The following USH2A variants were observed in gnomAD, a reference collection of about 807,000 sequenced individuals.
USH2A encodes usherin.
A neutral mutation model predicts 538.9 loss-of-function variants in USH2A; 443 were observed. The observed-to-expected ratio is 0.82, with a 90% CI of 0.76 to 0.89. The LOEUF is 0.89. Among genes scored for constraint, USH2A ranks in the 40% least tolerant of loss-of-function variants. The probability of loss-of-function intolerance (pLI) is 0.00; values close to 1 mark genes in which losing one functional copy is unlikely to be tolerated. For missense variants in USH2A, 6,633 were observed against 6,324.8 expected, an observed-to-expected ratio of 1.05 and a Z score of -1.65; for synonymous variants, 2,413 against 2,273.5, an observed-to-expected ratio of 1.06 and a Z score of -1.75.
intron 11 of USH2A, among the ~76,000 whole-genome samples, chr1:216,251,442 CTTTTTTTTTTTT>C (rs779947689): frequency 2.6e-4 from 21 of 80,386 alleles, no homozygotes; most frequent in African/African-American, 8.4e-4. Context: ...ACCACTTCCC[CTTTTTTTTTTTT>C]TTTTTTTTTT....
At chr1:215,767,089 C>T (rs1053757106) in intron 55 of USH2A, among the ~76,000 whole-genome samples, 8 of 152,174 alleles carry the variant, frequency 5.3e-5, no homozygotes, top group Non-Finnish European at 8.8e-5. Context: ...TCCTGCCTAT[C>T]GGATCAGAGC....
intron 44 of USH2A, among the ~76,000 whole-genome samples, chr1:215,850,526 T>A (rs1189448789): frequency 6.6e-6 from 1 of 152,082 alleles, no homozygotes; most frequent in African/African-American, 2.4e-5. Flanking sequence ...GAATGGTGGA[T>A]TCACTAGATG....
intron 11 of USH2A, among the ~76,000 whole-genome samples, chr1:216,286,214 A>C (rs1482556482): frequency 6.6e-6 from 1 of 152,144 alleles, no homozygotes; most frequent in Non-Finnish European, 1.5e-5. Flanking sequence ...GGGAGGAACC[A>C]GGTGGAGATA....
chr1:216,014,930 G>A (rs1258718871), intron 32 of USH2A, among the ~76,000 whole-genome samples: 2 of 152,126 alleles, frequency 1.3e-5, no homozygotes, highest in African/African-American at 4.8e-5. Flanking sequence ...TAAACTCATG[G>A]TGTAAACTGA....
At chr1:216,175,025 T>G in intron 21 of USH2A, 1 of 1,373,376 alleles carries the variant, frequency 7.3e-7, no homozygotes, top group Non-Finnish European at 9.4e-7. Context: ...TAAGGCTGCT[T>G]CTTCATCTTC....
chr1:216,062,015 T>C (rs2031204181), intron 30 of USH2A, among the ~76,000 whole-genome samples: 1 of 152,030 alleles, frequency 6.6e-6, no homozygotes, highest in Non-Finnish European at 1.5e-5. Flanking sequence ...AATTTTCCCA[T>C]GCAAACACCC....
intron 13 of USH2A, among the ~76,000 whole-genome samples, chr1:216,237,516 A>T (rs2035851502): frequency 6.7e-6 from 1 of 148,516 alleles, no homozygotes; most frequent in Non-Finnish European, 1.5e-5. Context: ...AAAAAAAAAG[A>T]AAGAAAAAGA....
At chr1:216,401,807 C>A (rs2039310758) in intron 3 of USH2A, among the ~76,000 whole-genome samples, 1 of 151,992 alleles carries the variant, frequency 6.6e-6, no homozygotes, top group African/African-American at 2.4e-5. Context: ...TGAAGCAAGA[C>A]TGATACAGCT....
chr1:216,134,407 A>G (rs923486638), intron 21 of USH2A, among the ~76,000 whole-genome samples: 2 of 152,114 alleles, frequency 1.3e-5, no homozygotes, highest in African/African-American at 4.8e-5. Context: ...ATTAATATGG[A>G]GAGAAGAGCA....
chr1:216,294,770 A>G (rs2102614496), intron 9 of USH2A, among the ~76,000 whole-genome samples: 1 of 152,054 alleles, frequency 6.6e-6, no homozygotes, highest in Middle Eastern at 3.4e-3. Context: ...ATTTTAGATA[A>G]TATGTCAATT....
intron 55 of USH2A, among the ~76,000 whole-genome samples, chr1:215,777,011 A>G (rs1661485792): frequency 6.6e-6 from 1 of 152,310 alleles, no homozygotes; most frequent in Middle Eastern, 3.4e-3. Context: ...TGGGCAAGTG[A>G]AATACTCTCT....
At position 215,680,488 on chromosome 1, in the gene USH2A, C is replaced by A; in HGVS notation, c.12067-112G>T. 4.1e-6 allele frequency: 4 copies of A among 985,412 alleles called. No homozygotes were observed. The South Asian group carries it at 4.1e-5, about 10-fold the overall frequency. The allele number at this position is 985,412 out of a possible 1,614,324, so 61.0% of individuals were successfully genotyped here. A position where few individuals can be genotyped will look rare whatever the true frequency, so the allele number is the denominator to read the frequency against. On this transcript the variant is annotated intron_variant, in intron 61 of 71. Transcript: ENST00000307340. ...CCAAAGCTTGTAGGCAACAGCAGCG[C>A]AAACACTACAGCAGAGTTTTGAATT...
chr1:216,076,472 G>T (rs1361714312), intron 27 of USH2A, among the ~76,000 whole-genome samples: 1 of 151,860 alleles, frequency 6.6e-6, no homozygotes, highest in Non-Finnish European at 1.5e-5. Flanking sequence ...GGGTTTAGGG[G>T]TAATTCAAAG....
rs80026994 is a variant in USH2A at position 216,169,356 on chromosome 1, C to G, written c.4627+5896G>C. On this transcript the variant is annotated intron_variant, in intron 21 of 71. Coordinates refer to ENST00000307340, the MANE Select transcript of USH2A (RefSeq NM_206933.4). ...ATATTTCAAAAAAAAGGGAGACTTA[C>G]AGGAATGTACTTCAAAATAAGTCAC... Among the ~76,000 whole-genome samples, 1,224 of 152,132 alleles carry G rather than the reference C, an allele frequency of 8.0e-3. 18 individuals are homozygous for G. Among genetic ancestry groups the G allele is most frequent in the African/African-American group, 0.029 (1,194 of 41,504 alleles).
At chr1:216,251,372 A>G (rs1375874419) in intron 11 of USH2A, among the ~76,000 whole-genome samples, 2 of 152,068 alleles carry the variant, frequency 1.3e-5, no homozygotes, top group East Asian at 3.9e-4. Flanking sequence ...AGAAATAAAA[A>G]TATAAATATG....
chr1:215,806,409 C>CA (rs1297298612), intron 49 of USH2A, among the ~76,000 whole-genome samples: 6 of 152,028 alleles, frequency 3.9e-5, no homozygotes, highest in Non-Finnish European at 7.4e-5. Context: ...TTGGTGGTAG[C>CA]ACCAGCTAAT....
At chr1:216,046,657 C>T in intron 31 of USH2A, 65 bp from the exon 32 acceptor site, 1 of 1,574,682 alleles carries the variant, frequency 6.4e-7, no homozygotes, top group Non-Finnish European at 8.7e-7. Flanking sequence ...CTTTTCAGAC[C>T]CAAACCAATA....
chr1:216,265,527 G>T (rs554260935), intron 11 of USH2A, among the ~76,000 whole-genome samples: 5 of 151,986 alleles, frequency 3.3e-5, no homozygotes, highest in South Asian at 4.1e-4. Context: ...AAATCAGTAC[G>T]TTGAAGAGAT....
In USH2A at chr1:215,993,155, C is replaced by T. The variant is rs149553844; in HGVS notation, c.6670G>A (p.Gly2224Ser). Residue 2224 changes from glycine (G) to serine (S), a missense_variant, in exon 35 of 72, where the codon GGT becomes AGT. Physicochemically the swap from Gly to Ser is moderately conservative, Grantham distance 56. Coordinates refer to ENST00000307340, the MANE Select transcript of USH2A (RefSeq NM_206933.4). Reference sequence around the variant, plus strand: ...CTGGCCTCACTCACTGTGCACCCACCACCTGTGCAAGCCTAAACAGAGATG... The same window carrying T: ...CTGGCCTCACTCACTGTGCACCCACTACCTGTGCAAGCCTAAACAGAGATG... ...YLIKLGACTG[G>S]GCTVSEASEA... 11 of 1,613,936 alleles carry T rather than the reference C, an allele frequency of 6.8e-6. No homozygotes were observed. In the East Asian group the frequency reaches 1.8e-4, roughly 26 times the overall value.
Sources: allele counts gnomAD v4.1 joint callset (sites outside exome capture counted in the v4.1 genomes callset), GRCh38; gene constraint gnomAD v4.1.1; transcripts MANE v1.5; gene names NCBI Gene and HGNC (gene_info 2026-07-23, HGNC 2026-07-21).